The following DDX42 variants were observed in gnomAD, a reference collection of about 807,000 sequenced individuals.
The protein encoded by DDX42 is DEAD-box helicase 42.
A neutral mutation model predicts 101.5 loss-of-function variants in DDX42; 22 were observed. That is an observed-to-expected ratio of 0.22 (90% CI 0.15 to 0.31). DDX42 has a LOEUF of 0.31. DDX42 is among the 10% of genes least tolerant of loss of function. The pLI, the probability that DDX42 is intolerant of heterozygous loss-of-function variation, is 1.00. For synonymous variants in DDX42, 402 were observed against 401.2 expected (o/e 1.00, Z -0.02); for missense variants, 849 against 1,199.9 (o/e 0.71, Z 4.32).
At chr17:63,786,724 C>T (rs1006870344) in intron 1 of DDX42, among the ~76,000 whole-genome samples, 2 of 152,260 alleles carry the variant, frequency 1.3e-5, no homozygotes, top group Non-Finnish European at 2.9e-5. Context: ...GTCGCCCAGG[C>T]TGGAGTGCAG....
intron 13 of DDX42, chr17:63,811,705 T>C (rs1387927278): frequency 8.1e-6 from 5 of 614,046 alleles, no homozygotes; most frequent in Non-Finnish European, 1.5e-5. Context: ...TAAGGAAAGC[T>C]CTACAAAGTA....
intron 1 of DDX42, among the ~76,000 whole-genome samples, chr17:63,778,030 TGAG>T (rs1567726773): frequency 6.6e-6 from 1 of 152,152 alleles, no homozygotes; most frequent in Non-Finnish European, 1.5e-5. Flanking sequence ...GCTATGGAAT[TGAG>T]GAGAGTGACA....
In DDX42 at chr17:63,808,870, G is replaced by A. The variant is rs1260775853; in HGVS notation, c.1074G>A (p.Val358=). The A allele has an allele frequency of 1.9e-6, 3 of 1,614,082 alleles. No homozygotes were observed. In the South Asian group the frequency reaches 3.3e-5, roughly 18 times the overall value. ...GAAAAGCATATAATCTTCGATCAGT[G>A]GCCGTATATGGAGGAGGGAGTATGT... ...RFGKAYNLRS[V]AVYGGGSMWE... Residue 358 remains valine, a synonymous_variant, in exon 10 of 18, where the codon GTG becomes GTA. Coordinates refer to ENST00000389924, the MANE Select transcript of DDX42 (RefSeq NM_203499.3).
chr17:63,811,641 G>A, intron 13 of DDX42: 1 of 519,342 alleles, frequency 1.9e-6, no homozygotes. Context: ...TTGGGACTTG[G>A]AATTCAGTTA....
At chr17:63,797,976 A>G (rs2039713875) in intron 3 of DDX42, 62 bp from the exon 4 acceptor site, 3 of 1,504,756 alleles carry the variant, frequency 2.0e-6, no homozygotes, top group African/African-American at 2.8e-5. Flanking sequence ...GTTCCAATCT[A>G]AAAATTGTTT....
chr17:63,795,131 CA>C (rs1268562031), intron 3 of DDX42, among the ~76,000 whole-genome samples: 2 of 152,048 alleles, frequency 1.3e-5, no homozygotes, highest in Admixed American at 6.6e-5. Flanking sequence ...TTTTTAGTAT[CA>C]GGGGATCTTG....
In DDX42 at chr17:63,819,056, G is replaced by A. The variant is rs1032590654; in HGVS notation, c.*658G>A. ...TGGTAACTGTTCCAGGATTGCTCCAGGTTTGAGATGGTATTGCTAAATTTA... is the reference window on the plus strand; with the variant it reads ...TGGTAACTGTTCCAGGATTGCTCCAAGTTTGAGATGGTATTGCTAAATTTA... On this transcript the variant is annotated 3_prime_UTR_variant, in exon 18 of 18. Transcript: ENST00000389924. The A allele has an allele frequency of 2.0e-5, 3 of 152,392 alleles. No individual in the cohort carries two copies. The highest frequency in any genetic ancestry group is 4.4e-5 in the Non-Finnish European group (3 of 68,070). The allele number at this position is 152,392 out of a possible 1,614,324, so 9.4% of individuals were successfully genotyped here.
rs750733810 is a variant in DDX42, at chr17:63,809,589, A to G, written c.1182A>G (p.Lys394=). The change falls in exon 11 of 18, where the codon AAA becomes AAG. Residue 394 remains lysine, a synonymous_variant. Transcript: ENST00000389924. Reference sequence around the variant, plus strand: ...GACTGATAGATCATGTGAAAAAGAAAGCTACCAATCTTCAAAGAGTCTCTT... The same window carrying G: ...GACTGATAGATCATGTGAAAAAGAAGGCTACCAATCTTCAAAGAGTCTCTT... ...PGRLIDHVKK[K]ATNLQRVSYL... is the part of the protein sequence containing the mutation. The G allele has an allele frequency of 1.9e-6, 3 of 1,614,022 alleles. No individual in the cohort carries two copies. The highest frequency in any genetic ancestry group is 2.5e-6 in the Non-Finnish European group (3 of 1,180,014).
At chr17:63,813,847 C>CTT (rs796849319) in intron 15 of DDX42, among the ~76,000 whole-genome samples, 12 of 147,886 alleles carry the variant, frequency 8.1e-5, no homozygotes, top group African/African-American at 3.0e-4. Context: ...GCCCCCCCAC[C>CTT]TTTTTTTTTT....
At chr17:63,811,203 T>C in intron 13 of DDX42, 30 bp downstream of exon 13, 1 of 1,492,462 alleles carries the variant, frequency 6.7e-7, no homozygotes, top group Non-Finnish European at 9.2e-7. Context: ...GATGGGACCT[T>C]AATGGGTTTA....
intron 13 of DDX42, 117 bp from the exon 14 acceptor site, chr17:63,811,815 G>A: frequency 1.5e-6 from 2 of 1,374,080 alleles, no homozygotes; most frequent in Non-Finnish European, 2.0e-6. Flanking sequence ...AAGGCCCAAG[G>A]AGAACTGGGA....
intron 3 of DDX42, among the ~76,000 whole-genome samples, chr17:63,795,383 C>A (rs569145599): frequency 6.6e-6 from 1 of 152,172 alleles, no homozygotes; most frequent in Non-Finnish European, 1.5e-5. Context: ...CAGGATCTCT[C>A]GCCCAAGCCA....
chr17:63,781,903 G>C (rs1173565117), intron 1 of DDX42, among the ~76,000 whole-genome samples: 1 of 152,134 alleles, frequency 6.6e-6, no homozygotes, highest in South Asian at 2.1e-4. Context: ...CCAGCTACTG[G>C]GGAGGCTGAG....
At chr17:63,801,247 G>C (rs1262903147) in intron 6 of DDX42, among the ~76,000 whole-genome samples, 1 of 152,052 alleles carries the variant, frequency 6.6e-6, no homozygotes, top group Non-Finnish European at 1.5e-5. Context: ...TAGAGATGGG[G>C]TTTTGCCATG....
In DDX42 at chr17:63,818,218, T is replaced by C. The variant is rs753054331; in HGVS notation, c.2637T>C (p.Asp879=). 1 of 1,613,692 alleles carries C rather than the reference T, an allele frequency of 6.2e-7. No homozygotes were observed. Among genetic ancestry groups the C allele is most frequent in the Non-Finnish European group, 8.5e-7 (1 of 1,179,972 alleles). ...ATGGGGAGAACCGGGGTGCAAATGA[T>C]GGTCGGAATGGGGAAAGCAGGAAAG... ...GRHGENRGAN[D]GRNGESRKEA... Residue 879 remains aspartate, a synonymous_variant, in exon 18 of 18, where the codon GAT becomes GAC. Coordinates refer to ENST00000389924, the MANE Select transcript of DDX42 (RefSeq NM_203499.3).
intron 11 of DDX42, chr17:63,810,189 G>A (rs764362179): frequency 6.8e-5 from 15 of 220,986 alleles, no homozygotes; most frequent in African/African-American, 1.2e-4. Context: ...AGTTTCAAGC[G>A]ATTCTTCTGC....
chr17:63,792,813 GTATTT>G (rs1432464933), intron 3 of DDX42, among the ~76,000 whole-genome samples: 10 of 151,940 alleles, frequency 6.6e-5, no homozygotes, highest in African/African-American at 2.4e-4. Flanking sequence ...ATGTGTGTAT[GTATTT>G]TATTTTAATA....
intron 8 of DDX42, 45 bp downstream of exon 8, chr17:63,806,699 C>A: frequency 6.4e-7 from 1 of 1,560,200 alleles, no homozygotes; most frequent in Non-Finnish European, 8.7e-7. Flanking sequence ...GGTAGTCTTT[C>A]ATGACTATAT....
chr17:63,787,944 A>G (rs1391205134), intron 2 of DDX42, among the ~76,000 whole-genome samples: 3 of 135,108 alleles, frequency 2.2e-5, no homozygotes, highest in Non-Finnish European at 1.5e-5. Context: ...TTTGCTCGTC[A>G]CCCAGGCTGG....
Sources: allele counts gnomAD v4.1 joint callset (sites outside exome capture counted in the v4.1 genomes callset), GRCh38; gene constraint gnomAD v4.1.1; transcripts MANE v1.5; gene names NCBI Gene and HGNC (gene_info 2026-07-23, HGNC 2026-07-21).